PARG: variants seen among roughly 807,000 people sequenced by gnomAD.
PARG encodes poly(ADP-ribose) glycohydrolase.
Under a neutral mutation model 113.0 loss-of-function variants are expected in PARG, and 35 were observed. That is an observed-to-expected ratio of 0.31 (90% confidence interval 0.24 to 0.41). The LOEUF (loss-of-function observed/expected upper bound fraction) is 0.41, where lower values mean the gene tolerates loss of function less well. Ranked by LOEUF, PARG falls within the 10% of genes least tolerant of loss-of-function variation. PARG has a pLI of 1.00. For synonymous variants in PARG, 330 were observed against 409.9 expected (o/e 0.81, Z 2.36); for missense variants, 797 against 1,169.4 (o/e 0.68, Z 4.64).
At chr10:49,924,314 TGGTA>T (rs1160407816) in intron 4 of PARG, among the ~76,000 whole-genome samples, 7 of 152,082 alleles carry the variant, frequency 4.6e-5, no homozygotes, top group Non-Finnish European at 7.3e-5. Context: ...TTAATCCATG[TGGTA>T]GTATGTATGA....
At chr10:49,884,594 G>A (rs1164146333) in intron 8 of PARG, among the ~76,000 whole-genome samples, 3 of 151,974 alleles carry the variant, frequency 2.0e-5, no homozygotes, top group Admixed American at 6.6e-5. Context: ...AGCCGGGTAT[G>A]GTGGTACATG....
chr10:49,921,301 C>T (rs1837856036), intron 6 of PARG, among the ~76,000 whole-genome samples: 1 of 152,156 alleles, frequency 6.6e-6, no homozygotes, highest in Admixed American at 6.5e-5. Flanking sequence ...GTAATCCTAC[C>T]TGATTTTTAA....
At chr10:49,879,913 T>C in intron 8 of PARG, 83 bp from the exon 9 acceptor site, 1 of 643,394 alleles carries the variant, frequency 1.6e-6, no homozygotes, top group South Asian at 1.8e-5. Flanking sequence ...CAAATTGCAT[T>C]TGCTAAATTA....
intron 4 of PARG, among the ~76,000 whole-genome samples, chr10:49,930,246 A>C (rs1218070488): frequency 2.7e-5 from 4 of 150,764 alleles, no homozygotes; most frequent in Admixed American, 6.6e-5. Flanking sequence ...TTTAGAAATG[A>C]AATTTGCATC....
intron 16 of PARG, among the ~76,000 whole-genome samples, chr10:49,825,783 T>C (rs559137671): frequency 1.5e-4 from 23 of 152,242 alleles, no homozygotes; most frequent in African/African-American, 5.3e-4. Flanking sequence ...GTGCAAACCA[T>C]AAGAGAAAAT....
Position 49,933,934 on chromosome 10 carries a change from G to T in PARG, c.514C>A (p.Pro172Thr). 4 of 1,604,040 alleles carry T rather than the reference G, an allele frequency of 2.5e-6. No individual in the cohort carries two copies. The highest frequency in any genetic ancestry group is 1.3e-5 in the African/African-American group (1 of 74,782). ...KHTEQLLESE[P>T]QTVTLVPEQF... is the part of the protein sequence containing the mutation. ...TCTGGTACCAGGGTTACTGTTTGAG[G>T]TTCACTTTCCAAAAGCTGCTCCGTG... is the stretch of plus-strand genomic sequence containing the variant. Residue 172 changes from proline to threonine, a missense_variant, in exon 3 of 18, where the codon CCT becomes ACT. By Grantham distance (38) the Pro-to-Thr change is conservative. This residue lies in a region of PARG where 284 missense variants were observed against 306.1 expected (regional missense o/e 0.93). Transcript: ENST00000616448.
chr10:49,821,107 C>T (rs533255223), intron 16 of PARG, among the ~76,000 whole-genome samples: 200 of 152,170 alleles, frequency 1.3e-3, no homozygotes, highest in Non-Finnish European at 2.1e-3. Flanking sequence ...CTGCAGAACT[C>T]CCGTTCTGCA....
chr10:49,898,683 T>A (rs1343189426), intron 7 of PARG, among the ~76,000 whole-genome samples: 2 of 152,178 alleles, frequency 1.3e-5, no homozygotes, highest in Non-Finnish European at 2.9e-5. Context: ...CTACCTTCTG[T>A]GCAGCCTACA....
At chr10:49,902,438 C>A (rs7902104) in intron 7 of PARG, among the ~76,000 whole-genome samples, 10,584 of 152,114 alleles carry the variant, frequency 0.07, 515 homozygotes, top group African/African-American at 0.12. Flanking sequence ...CATTCATCCC[C>A]CTTTTGCATG....
At chr10:49,881,491 C>G (rs1847211849) in intron 8 of PARG, among the ~76,000 whole-genome samples, 1 of 152,182 alleles carries the variant, frequency 6.6e-6, no homozygotes, top group African/African-American at 2.4e-5. Context: ...TTTAGAGATG[C>G]ATTTCATTCT....
chr10:49,919,178 C>T (rs550858737), intron 6 of PARG, among the ~76,000 whole-genome samples: 207 of 152,174 alleles, frequency 1.4e-3, no homozygotes, highest in African/African-American at 4.0e-3. Context: ...TGACCTCTGG[C>T]GACCTGCCTG....
intron 7 of PARG, among the ~76,000 whole-genome samples, chr10:49,913,652 C>T (rs1217169360): frequency 1.3e-5 from 2 of 152,102 alleles, no homozygotes; most frequent in African/African-American, 4.8e-5. Context: ...CCTGTAATCC[C>T]AGCACTTTGG....
At chr10:49,919,092 C>G (rs782094111) in intron 6 of PARG, among the ~76,000 whole-genome samples, 15 of 152,058 alleles carry the variant, frequency 9.9e-5, no homozygotes, top group African/African-American at 2.7e-4. Flanking sequence ...AGGCACCCAC[C>G]ACCGTGCCCG....
chr10:49,918,296 G>A (rs549267770), intron 6 of PARG, among the ~76,000 whole-genome samples: 21 of 152,230 alleles, frequency 1.4e-4, no homozygotes, highest in Non-Finnish European at 2.6e-4. Context: ...AAGTTGGTAA[G>A]GAAAAAAATT....
chr10:49,932,368 G>A (rs1474022282), intron 3 of PARG, 85 bp from the exon 4 acceptor site: 25 of 811,650 alleles, frequency 3.1e-5, no homozygotes, highest in African/African-American at 2.2e-4. Context: ...TTACCCAGAC[G>A]TTATTGTTTA....
chr10:49,897,102 CTTGT>C (rs1476142177), intron 7 of PARG, among the ~76,000 whole-genome samples: 3 of 152,074 alleles, frequency 2.0e-5, no homozygotes, highest in Admixed American at 6.6e-5. Context: ...CTTTCTGTTG[CTTGT>C]TTGCTACTGT....
intron 7 of PARG, among the ~76,000 whole-genome samples, chr10:49,886,865 T>C (rs1398965785): frequency 6.6e-6 from 1 of 152,192 alleles, no homozygotes; most frequent in African/African-American, 2.4e-5. Flanking sequence ...TCTGCCTCTT[T>C]AACTCTGTTA....
intron 16 of PARG, among the ~76,000 whole-genome samples, chr10:49,824,340 C>T (rs1349151494): frequency 1.3e-5 from 2 of 152,142 alleles, no homozygotes; most frequent in African/African-American, 4.8e-5. Flanking sequence ...TTTAAGTGAA[C>T]TCTCTTGCAT....
chr10:49,890,431 C>T (rs545199017), intron 7 of PARG, among the ~76,000 whole-genome samples: 121 of 152,230 alleles, frequency 7.9e-4, no homozygotes, highest in Non-Finnish European at 1.5e-3. Context: ...TTCATTCATT[C>T]GATTGGCTGA....
Sources: allele counts gnomAD v4.1 joint callset (sites outside exome capture counted in the v4.1 genomes callset), GRCh38; gene constraint gnomAD v4.1.1; regional missense constraint gnomAD v4.1.1; transcripts MANE v1.5; gene names NCBI Gene and HGNC (gene_info 2026-07-23, HGNC 2026-07-21).